MAGEC3: variants seen among roughly 807,000 people sequenced by gnomAD.
MAGEC3 encodes melanoma-associated antigen C3.
In MAGEC3, 34 loss-of-function variants were observed where a neutral mutation model predicts 35.3. That is an observed-to-expected ratio of 0.96 (90% CI 0.73 to 1.28). The LOEUF (loss-of-function observed/expected upper bound fraction) is 1.28. Ranked by LOEUF, MAGEC3 falls within the 50% of genes most tolerant of loss-of-function variation. The pLI is 0.00. For missense variants in MAGEC3, 561 were observed against 483.6 expected, an observed-to-expected ratio of 1.16 and a Z score of -1.50; for synonymous variants, 202 against 185.6, an observed-to-expected ratio of 1.09 and a Z score of -0.72.
At chrX:141,859,804 A>C (rs1469248923) in intron 1 of MAGEC3, among the ~76,000 whole-genome samples, 1 of 111,718 alleles carries the variant, frequency 9.0e-6, no homozygotes, top group Non-Finnish European at 1.9e-5. Context: ...AGCTGTCAAC[A>C]AAAAAGACAA....
At chrX:141,894,699 A>C (rs2124129001) in intron 4 of MAGEC3, 1 of 970,476 alleles carries the variant, frequency 1.0e-6, no homozygotes, top group Non-Finnish European at 1.3e-6. Flanking sequence ...ACAAGCAAGA[A>C]GGGAACTCTG....
At chrX:141,888,564 A>G (rs950379953) in intron 4 of MAGEC3, among the ~76,000 whole-genome samples, 2 of 112,298 alleles carry the variant, frequency 1.8e-5, no homozygotes, top group African/African-American at 6.5e-5. Flanking sequence ...GTGCTCACCA[A>G]TGGGTGACCT....
chrX:141,854,412 T>C (rs1447232395), intron 1 of MAGEC3, among the ~76,000 whole-genome samples: 2 of 111,186 alleles, frequency 1.8e-5, no homozygotes, highest in African/African-American at 6.5e-5. Flanking sequence ...CCTGTTTCCC[T>C]GCCTAAATCT....
chrX:141,863,796 G>T (rs1343942543), intron 1 of MAGEC3, among the ~76,000 whole-genome samples: 1 of 111,502 alleles, frequency 9.0e-6, no homozygotes, highest in Non-Finnish European at 1.9e-5. Context: ...TAATTAGAGT[G>T]GCTAAAAATC....
At chrX:141,842,715 ACTT>A (rs1435750093) in intron 1 of MAGEC3, among the ~76,000 whole-genome samples, 4 of 111,822 alleles carry the variant, frequency 3.6e-5, no homozygotes, top group Non-Finnish European at 7.6e-5. Flanking sequence ...CATGAAAGTG[ACTT>A]CTTCTAGCCC....
chrX:141,860,051 G>C (rs1326834799), intron 1 of MAGEC3, among the ~76,000 whole-genome samples: 1 of 111,755 alleles, frequency 8.9e-6, no homozygotes, highest in East Asian at 2.8e-4. Context: ...CCCTTGTCAG[G>C]GTAATGCTGT....
At chrX:141,895,163 AGTG>A in intron 4 of MAGEC3, 103 bp from the exon 5 acceptor site, 1 of 891,805 alleles carries the variant, frequency 1.1e-6, no homozygotes, top group South Asian at 2.3e-5. Flanking sequence ...GGCAGGAAGA[AGTG>A]GAGTGCGGGG....
rs192144100 is a variant in MAGEC3 at position 141,872,183 on chromosome X, A to G, written c.258+6578A>G. On this transcript the variant is annotated intron_variant, in intron 2 of 7. Transcript: ENST00000298296. ...TTATGAAGTTGGTAAGGTCCCTGATAGTATGAACATTAAAGGTTTCATTTT... is the reference window on the plus strand; with the variant it reads ...TTATGAAGTTGGTAAGGTCCCTGATGGTATGAACATTAAAGGTTTCATTTT... 1.0e-3 allele frequency among the ~76,000 whole-genome samples: 116 copies of G among 111,519 alleles called. 1 individual carries two copies. The highest frequency in any genetic ancestry group is 3.7e-3 in the African/African-American group (112 of 30,658).
chrX:141,882,386 TTATC>T (rs1346804077), intron 4 of MAGEC3, among the ~76,000 whole-genome samples: 1 of 111,987 alleles, frequency 8.9e-6, no homozygotes, highest in African/African-American at 3.3e-5. Context: ...ATATTGCTGT[TTATC>T]TAGTTTAAGA....
chrX:141,888,747 C>A (rs925796667), intron 4 of MAGEC3, among the ~76,000 whole-genome samples: 3 of 111,876 alleles, frequency 2.7e-5, no homozygotes, highest in African/African-American at 9.8e-5. Flanking sequence ...TTGCACTCAC[C>A]AACACTGACC....
intron 1 of MAGEC3, 167 bp downstream of exon 1, chrX:141,838,605 G>A (rs1447312840): frequency 1.4e-6 from 1 of 726,989 alleles, no homozygotes; most frequent in African/African-American, 2.3e-5. Context: ...CTTTCCCTTG[G>A]TTGCAGTAGC....
At chrX:141,871,014 A>G (rs2017883970) in intron 2 of MAGEC3, among the ~76,000 whole-genome samples, 1 of 112,758 alleles carries the variant, frequency 8.9e-6, no homozygotes, top group Admixed American at 9.4e-5. Context: ...TATTAAAGTT[A>G]GGTGAACTAA....
intron 2 of MAGEC3, among the ~76,000 whole-genome samples, chrX:141,869,085 C>T (rs1238086576): frequency 9.2e-6 from 1 of 108,558 alleles, no homozygotes; most frequent in Non-Finnish European, 1.9e-5. Flanking sequence ...CGGGTTTCAC[C>T]GTGTTAGCCA....
intron 1 of MAGEC3, among the ~76,000 whole-genome samples, chrX:141,846,219 T>TA (rs1229133205): frequency 2.7e-5 from 3 of 109,107 alleles, no homozygotes; most frequent in African/African-American, 1.0e-4. Flanking sequence ...TTTTTTTTTT[T>TA]TTAAATAAAT....
intron 1 of MAGEC3, among the ~76,000 whole-genome samples, chrX:141,849,536 A>G (rs186086845): frequency 2.7e-5 from 3 of 111,255 alleles, no homozygotes; most frequent in Non-Finnish European, 5.7e-5. Flanking sequence ...CAGAATCTAT[A>G]AGGAACTTAA....
At chrX:141,850,599 C>T (rs2017745417) in intron 1 of MAGEC3, among the ~76,000 whole-genome samples, 1 of 110,959 alleles carries the variant, frequency 9.0e-6, no homozygotes, top group African/African-American at 3.3e-5. Flanking sequence ...ATCTGTTTCA[C>T]TCAAAGTTCA....
chrX:141,855,199 A>T (rs984623051), intron 1 of MAGEC3, among the ~76,000 whole-genome samples: 1 of 110,830 alleles, frequency 9.0e-6, no homozygotes, highest in Non-Finnish European at 1.9e-5. Context: ...ACAAGGTTAT[A>T]GGTCTTTGGC....
In MAGEC3 at chrX:141,881,554, C is replaced by T. The variant is rs757532386; in HGVS notation, c.667C>T (p.Pro223Ser). Residue 223 changes from proline (P) to serine (S), a missense_variant, in exon 4 of 8, where the codon CCT becomes TCT. By Grantham distance (74) the Pro-to-Ser change is moderately conservative. Coordinates refer to ENST00000298296, the MANE Select transcript of MAGEC3 (RefSeq NM_138702.1). ...NVINTYTGYF[P>S]MIFRKAREFI... Reference sequence around the variant, plus strand: ...CATCAACACATACACGGGCTACTTTCCTATGATCTTCAGGAAAGCCCGTGA... The same window carrying T: ...CATCAACACATACACGGGCTACTTTTCTATGATCTTCAGGAAAGCCCGTGA... 4.8e-5 allele frequency: 58 copies of T among 1,209,671 alleles called. No individual in the cohort carries two copies. Among genetic ancestry groups the T allele is most frequent in the Non-Finnish European group, 6.4e-5 (57 of 895,053 alleles).
At chrX:141,877,146 T>C (rs1367829705) in intron 2 of MAGEC3, among the ~76,000 whole-genome samples, 1 of 112,222 alleles carries the variant, frequency 8.9e-6, no homozygotes, top group East Asian at 2.8e-4. Context: ...ATATTTAAAA[T>C]ATTGAATCTT....
Sources: allele counts gnomAD v4.1 joint callset (sites outside exome capture counted in the v4.1 genomes callset), GRCh38; gene constraint gnomAD v4.1.1; transcripts MANE v1.5; gene names NCBI Gene and HGNC (gene_info 2026-07-23, HGNC 2026-07-21).